The following PDS5A variants were observed in gnomAD, a reference collection of about 807,000 sequenced individuals.
PDS5A encodes PDS5 cohesin associated factor A, also known as sister chromatid cohesion protein PDS5 homolog A.
A neutral mutation model predicts 167.1 loss-of-function variants in PDS5A; 42 were observed. The ratio of observed to expected loss-of-function variants is 0.25; its 90% confidence interval spans 0.20 to 0.33. The LOEUF (loss-of-function observed/expected upper bound fraction) is 0.33. Ranked by LOEUF, PDS5A falls within the 10% of genes least tolerant of loss-of-function variation. PDS5A has a pLI of 1.00. For synonymous variants in PDS5A, 553 were observed against 554.6 expected (o/e 1.00, Z 0.04); for missense variants, 1,033 against 1,605.9 (o/e 0.64, Z 6.10).
intron 14 of PDS5A, 50 bp downstream of exon 14, chr4:39,900,376 C>G: frequency 9.5e-6 from 11 of 1,153,478 alleles, no homozygotes; most frequent in Non-Finnish European, 1.4e-5. Context: ...TACAGAAAAT[C>G]TGAACAGTGA....
At chr4:39,856,753 T>G (rs1436334800) in intron 26 of PDS5A, among the ~76,000 whole-genome samples, 1 of 151,878 alleles carries the variant, frequency 6.6e-6, no homozygotes, top group African/African-American at 2.4e-5. Context: ...GAGGCAGAGG[T>G]TGCAGTGAGC....
chr4:39,896,819 C>T (rs1045159254), intron 16 of PDS5A, among the ~76,000 whole-genome samples: 4 of 149,974 alleles, frequency 2.7e-5, no homozygotes, highest in African/African-American at 9.8e-5. Flanking sequence ...TAAGATACAA[C>T]CACATACAAT....
intron 16 of PDS5A, among the ~76,000 whole-genome samples, chr4:39,897,546 G>A (rs1477896595): frequency 6.6e-6 from 1 of 152,032 alleles, no homozygotes; most frequent in Non-Finnish European, 1.5e-5. Flanking sequence ...TTACAGGCAT[G>A]TACCACCACA....
intron 2 of PDS5A, among the ~76,000 whole-genome samples, chr4:39,969,018 G>A (rs1197423874): frequency 1.3e-5 from 2 of 152,012 alleles, no homozygotes; most frequent in Non-Finnish European, 2.9e-5. Context: ...CAGGTGATCC[G>A]CCCGCCTAGG....
chr4:39,944,678 C>T (rs1211508584), intron 2 of PDS5A, among the ~76,000 whole-genome samples: 4 of 131,422 alleles, frequency 3.0e-5, no homozygotes, highest in African/African-American at 1.3e-4. Flanking sequence ...CGGGCAACAA[C>T]GGCGAAACTC....
At chr4:39,837,572 G>A (rs935737687) in intron 32 of PDS5A, 29 of 333,836 alleles carry the variant, frequency 8.7e-5, no homozygotes, top group Non-Finnish European at 1.5e-4. Flanking sequence ...CACTTGAAAG[G>A]CACTAAGCAA....
intron 11 of PDS5A, among the ~76,000 whole-genome samples, chr4:39,906,938 A>AAAC (rs1723426467): frequency 6.7e-6 from 1 of 148,774 alleles, no homozygotes; most frequent in African/African-American, 2.5e-5. Flanking sequence ...AAAAAAAAAA[A>AAAC]AAAAACAAGC....
At chr4:39,906,586 T>C (rs1473897967) in intron 11 of PDS5A, among the ~76,000 whole-genome samples, 2 of 144,588 alleles carry the variant, frequency 1.4e-5, no homozygotes, top group East Asian at 4.2e-4. Flanking sequence ...AGAAAAATAA[T>C]AGTAAAAAAA....
At chr4:39,826,629 G>A (rs1281481583) in intron 32 of PDS5A, among the ~76,000 whole-genome samples, 2 of 151,996 alleles carry the variant, frequency 1.3e-5, no homozygotes, top group South Asian at 2.1e-4. Flanking sequence ...GGGACTACAG[G>A]TGCGTGCCAC....
intron 26 of PDS5A, among the ~76,000 whole-genome samples, chr4:39,851,611 T>G (rs2109521170): frequency 6.6e-6 from 1 of 152,312 alleles, no homozygotes; most frequent in African/African-American, 2.4e-5. Context: ...TTTTGAGGCA[T>G]TAAGTAACCT....
At chr4:39,969,022 G>T (rs141543961) in intron 2 of PDS5A, among the ~76,000 whole-genome samples, 7 of 152,080 alleles carry the variant, frequency 4.6e-5, no homozygotes, top group African/African-American at 1.4e-4. Flanking sequence ...TGATCCGCCC[G>T]CCTAGGCATC....
At chr4:39,892,496 G>C (rs185634302) in intron 16 of PDS5A, among the ~76,000 whole-genome samples, 205 of 152,238 alleles carry the variant, frequency 1.3e-3, no homozygotes, top group African/African-American at 4.8e-3. Flanking sequence ...CTCAACTTAG[G>C]AGTCACTTAT....
At chr4:39,913,825 CTT>C in intron 8 of PDS5A, 99 bp from the exon 9 acceptor site, 1 of 724,022 alleles carries the variant, frequency 1.4e-6, no homozygotes, top group Non-Finnish European at 2.5e-6. Context: ...CATATTTCTG[CTT>C]ATAACTGTGA....
At chr4:39,950,059 C>G (rs1728201884) in intron 2 of PDS5A, among the ~76,000 whole-genome samples, 1 of 151,850 alleles carries the variant, frequency 6.6e-6, no homozygotes, top group Admixed American at 6.6e-5. Context: ...GCATGCGCCA[C>G]CACGCTTGGC....
intron 7 of PDS5A, among the ~76,000 whole-genome samples, chr4:39,919,800 A>G (rs563311492): frequency 6.6e-6 from 1 of 152,342 alleles, no homozygotes; most frequent in Non-Finnish European, 1.5e-5. Context: ...CAAATTCCTC[A>G]GTAAACCTTT....
Position 39,922,764 on chromosome 4 carries a change from A to AG in PDS5A, c.528-17_528-16insC, listed in dbSNP as rs776300626. 3 of 1,473,804 alleles carry AG rather than the reference A, an allele frequency of 2.0e-6. No individual in the cohort carries two copies. Among genetic ancestry groups the AG allele is most frequent in the Middle Eastern group, 2.3e-4 (1 of 4,304 alleles). 91.3% of individuals were successfully genotyped at this position (1,473,804 alleles called of 1,614,324 possible). Reference sequence around the variant, plus strand: ...GTGGCTATTGCTATAAAAAAAAAAAAAAAAGAATAAGTAGTAGGAGGAGGA... The same window carrying AG: ...GTGGCTATTGCTATAAAAAAAAAAAAGAAAAGAATAAGTAGTAGGAGGAGGA... On this transcript the variant is annotated splice_polypyrimidine_tract_variant and intron_variant, in intron 5 of 32. Transcript: ENST00000303538.
chr4:39,973,784 C>A, intron 2 of PDS5A: 1 of 1,177,490 alleles, frequency 8.5e-7, no homozygotes, highest in Non-Finnish European at 1.3e-6. Context: ...CCCTACCAGC[C>A]AGCACCTCCT....
At chr4:39,898,575 ACTATTCTACTAAGCT>A in intron 15 of PDS5A, 47 bp from the exon 16 acceptor site, 1 of 1,224,200 alleles carries the variant, frequency 8.2e-7, no homozygotes, top group Non-Finnish European at 1.1e-6. Flanking sequence ...AAAAAAAAAA[ACTATTCTACTAAGCT>A]AAAAACAGGT....
intron 2 of PDS5A, among the ~76,000 whole-genome samples, chr4:39,967,682 AG>A (rs1423644308): frequency 6.6e-6 from 1 of 151,572 alleles, no homozygotes; most frequent in Admixed American, 6.6e-5. Context: ...TAAAAAGGCC[AG>A]GCACAGTGGC....
Sources: gnomAD v4.1 joint callset for allele counts (sites outside exome capture counted in the v4.1 genomes callset) on GRCh38, gnomAD v4.1.1 for gene constraint, MANE v1.5 for transcripts, NCBI Gene and HGNC (gene_info 2026-07-23, HGNC 2026-07-21) for gene names.